Variants in CDH2 observed in about 807,000 individuals in gnomAD.
The protein encoded by CDH2 is cadherin-2.
A neutral mutation model predicts 92.0 loss-of-function variants in CDH2; 17 were observed. The ratio of observed to expected loss-of-function variants is 0.18; its 90% CI spans 0.13 to 0.28. The LOEUF is 0.28. Ranked by LOEUF, CDH2 falls within the 10% of genes least tolerant of loss-of-function variation. The pLI, the probability that CDH2 is intolerant of heterozygous loss-of-function variation, is 1.00. For synonymous variants in CDH2, 419 were observed against 415.9 expected, an observed-to-expected ratio of 1.01 and a Z score of -0.09; for missense variants, 862 against 1,133.1, an observed-to-expected ratio of 0.76 and a Z score of 3.44.
intron 2 of CDH2, among the ~76,000 whole-genome samples, chr18:28,037,419 C>T (rs1245021989): frequency 6.6e-6 from 1 of 152,122 alleles, no homozygotes; most frequent in Non-Finnish European, 1.5e-5. Flanking sequence ...TAAACATCCC[C>T]CTTTTAACAA....
chr18:27,952,781 T>C (rs1309895423), intron 15 of CDH2, among the ~76,000 whole-genome samples: 5 of 152,210 alleles, frequency 3.3e-5, no homozygotes, highest in East Asian at 3.9e-4. Flanking sequence ...GAGTACCATG[T>C]GGTCCATGTC....
intron 2 of CDH2, among the ~76,000 whole-genome samples, chr18:28,145,825 C>G (rs2016026462): frequency 6.6e-6 from 1 of 151,614 alleles, no homozygotes; most frequent in African/African-American, 2.4e-5. Context: ...ATGTGAAAAA[C>G]TGTTTAAAAA....
At chr18:28,112,707 C>A (rs79557215) in intron 2 of CDH2, among the ~76,000 whole-genome samples, 1 of 150,584 alleles carries the variant, frequency 6.6e-6, no homozygotes, top group Non-Finnish European at 1.5e-5. Flanking sequence ...AAGAGAAAAA[C>A]AACAACAACA....
intron 1 of CDH2, among the ~76,000 whole-genome samples, chr18:28,150,961 C>T (rs2144333238): frequency 6.6e-6 from 1 of 152,286 alleles, no homozygotes; most frequent in East Asian, 1.9e-4. Context: ...GTTCAAAAAA[C>T]AAACAGGAAG....
At chr18:28,033,886 G>A (rs1321157526) in intron 2 of CDH2, among the ~76,000 whole-genome samples, 1 of 151,866 alleles carries the variant, frequency 6.6e-6, no homozygotes, top group East Asian at 1.9e-4. Flanking sequence ...AATGCTAAAA[G>A]ATACTAAAAA....
intron 1 of CDH2, among the ~76,000 whole-genome samples, chr18:28,166,172 A>G (rs946077763): frequency 7.3e-6 from 1 of 136,948 alleles, no homozygotes; most frequent in African/African-American, 2.6e-5. Flanking sequence ...ATATATATAT[A>G]TGTCTGTATT....
intron 2 of CDH2, among the ~76,000 whole-genome samples, chr18:28,067,001 C>T (rs549212582): frequency 5.9e-5 from 9 of 152,154 alleles, no homozygotes; most frequent in Non-Finnish European, 8.8e-5. Context: ...AACTTCATAA[C>T]GTACAGGGGA....
intron 2 of CDH2, among the ~76,000 whole-genome samples, chr18:28,127,971 G>C (rs560363569): frequency 6.6e-6 from 1 of 152,238 alleles, no homozygotes; most frequent in South Asian, 2.1e-4. Context: ...ATGCTCAGTG[G>C]CAAACAGTTT....
At chr18:28,148,297 A>C (rs973434706) in intron 1 of CDH2, among the ~76,000 whole-genome samples, 4 of 152,234 alleles carry the variant, frequency 2.6e-5, no homozygotes, top group African/African-American at 9.6e-5. Context: ...TTTTATACCA[A>C]GTAAAACCAA....
rs532206172 is a variant in CDH2 at position 28,130,032 on chromosome 18, G to A, written c.172+17641C>T. On this transcript the variant is annotated intron_variant, in intron 2 of 15. Transcript: ENST00000269141. ...GAATAATGAACCTCTCTTGTCTTCC[G>A]TTTCCATTTGTAAAACAGATACACA... Among the ~76,000 whole-genome samples, 36 of 152,216 alleles carry A rather than the reference G, an allele frequency of 2.4e-4. No individual in the cohort carries two copies. In the South Asian group the frequency reaches 5.8e-3, roughly 25 times the overall value.
At chr18:27,954,298 T>C (rs1909603203) in intron 15 of CDH2, among the ~76,000 whole-genome samples, 1 of 152,188 alleles carries the variant, frequency 6.6e-6, no homozygotes, top group African/African-American at 2.4e-5. Flanking sequence ...GTTACTGCCC[T>C]CAGTGATTCA....
chr18:28,064,010 TTGCC>T (rs1352760593), intron 2 of CDH2, among the ~76,000 whole-genome samples: 1 of 152,248 alleles, frequency 6.6e-6, no homozygotes, highest in Non-Finnish European at 1.5e-5. Flanking sequence ...AGAATATTTA[TTGCC>T]TGCCTGCAAG....
At chr18:28,085,301 A>G (rs2014905660) in intron 2 of CDH2, among the ~76,000 whole-genome samples, 1 of 152,000 alleles carries the variant, frequency 6.6e-6, no homozygotes, top group African/African-American at 2.4e-5. Flanking sequence ...ACACTTCCAC[A>G]AACACACACT....
chr18:28,032,038 A>G (rs1464099925), intron 2 of CDH2, among the ~76,000 whole-genome samples: 4 of 152,172 alleles, frequency 2.6e-5, no homozygotes, highest in African/African-American at 9.6e-5. Context: ...GAGAAGTGGC[A>G]GATAAAAGTG....
downstream of CDH2, among the ~76,000 whole-genome samples, chr18:27,946,245 T>C (rs1467118224): frequency 6.6e-6 from 1 of 152,060 alleles, no homozygotes; most frequent in African/African-American, 2.4e-5. Flanking sequence ...GTGTACCCAA[T>C]AACCAAATGA....
At chr18:28,045,455 T>C (rs1382700304) in intron 2 of CDH2, 1 of 466,984 alleles carries the variant, frequency 2.1e-6, no homozygotes. Context: ...GGCCACAGCC[T>C]AAAAGTCAAT....
chr18:28,102,639 G>A (rs1272923903), intron 2 of CDH2, among the ~76,000 whole-genome samples: 3 of 152,128 alleles, frequency 2.0e-5, no homozygotes, highest in Non-Finnish European at 1.5e-5. Flanking sequence ...TAAGTCAAGA[G>A]TTTAGCCACT....
downstream of CDH2, among the ~76,000 whole-genome samples, chr18:27,945,979 C>G (rs545570350): frequency 1.3e-5 from 2 of 151,854 alleles, no homozygotes; most frequent in Non-Finnish European, 2.9e-5. Flanking sequence ...GCTAAACAAA[C>G]AAAAAATCAG....
chr18:28,072,259 C>T (rs1421201294), intron 2 of CDH2, among the ~76,000 whole-genome samples: 1 of 152,010 alleles, frequency 6.6e-6, no homozygotes, highest in African/African-American at 2.4e-5. Flanking sequence ...CATAAAAAGC[C>T]CTTTCCTAAT....
Sources: allele counts gnomAD v4.1 joint callset (sites outside exome capture counted in the v4.1 genomes callset), GRCh38; gene constraint gnomAD v4.1.1; transcripts MANE v1.5; gene names NCBI Gene and HGNC (gene_info 2026-07-23, HGNC 2026-07-21).